ELAVL2: variants seen among roughly 807,000 people sequenced by gnomAD.
ELAVL2 encodes ELAV-like protein 2.
ELAVL2 carries 4 observed loss-of-function variants against 34.6 expected under a neutral mutation model. The ratio of observed to expected loss-of-function variants is 0.12; its 90% CI spans 0.06 to 0.26. The LOEUF (loss-of-function observed/expected upper bound fraction) is 0.26. ELAVL2 is among the 10% of genes least tolerant of loss of function. The probability of loss-of-function intolerance (pLI) is 1.00; values close to 1 mark genes in which losing one functional copy is unlikely to be tolerated. For synonymous variants in ELAVL2, 193 were observed against 154.8 expected, an observed-to-expected ratio of 1.25 and a Z score of -1.83; for missense variants, 432 against 442.8, an observed-to-expected ratio of 0.98 and a Z score of 0.22.
intron 1 of ELAVL2, among the ~76,000 whole-genome samples, chr9:23,770,480 A>G (rs1196215060): frequency 6.6e-6 from 1 of 152,218 alleles, no homozygotes; most frequent in Admixed American, 6.5e-5. Context: ...TCACCTTGAG[A>G]AAGGGAGATT....
intron 3 of ELAVL2, among the ~76,000 whole-genome samples, chr9:23,724,761 T>A (rs1029977807): frequency 6.6e-6 from 1 of 152,166 alleles, no homozygotes; most frequent in Non-Finnish European, 1.5e-5. Flanking sequence ...GAATACAAGT[T>A]AACAATGAAG....
chr9:23,782,485 T>C (rs1348916858), intron 1 of ELAVL2, among the ~76,000 whole-genome samples: 1 of 151,756 alleles, frequency 6.6e-6, no homozygotes, highest in East Asian at 1.9e-4. Flanking sequence ...GGCAGGAGAA[T>C]CACTTGAATC....
At chr9:23,789,019 A>G (rs553440734) in intron 1 of ELAVL2, among the ~76,000 whole-genome samples, 21 of 152,352 alleles carry the variant, frequency 1.4e-4, no homozygotes, top group Admixed American at 2.6e-4. Flanking sequence ...CCATCCAAGC[A>G]AAAGAAAAGA....
At chr9:23,728,768 TAGAA>T (rs143848245) in intron 3 of ELAVL2, among the ~76,000 whole-genome samples, 14 of 152,036 alleles carry the variant, frequency 9.2e-5, no homozygotes, top group Non-Finnish European at 1.3e-4. Context: ...TAAATAAACA[TAGAA>T]AGAACAAACA....
intron 1 of ELAVL2, among the ~76,000 whole-genome samples, chr9:23,788,553 T>A (rs562159427): frequency 6.6e-6 from 1 of 152,330 alleles, no homozygotes; most frequent in South Asian, 2.1e-4. Flanking sequence ...GCTGTAACAG[T>A]ACACTGTAAT....
chr9:23,711,754 T>C (rs1454445006), intron 3 of ELAVL2, among the ~76,000 whole-genome samples: 1 of 152,206 alleles, frequency 6.6e-6, no homozygotes, highest in Non-Finnish European at 1.5e-5. Context: ...AACCCTTTCT[T>C]GTGACTGACT....
chr9:23,725,636 C>G (rs996585688), intron 3 of ELAVL2, among the ~76,000 whole-genome samples: 1 of 152,090 alleles, frequency 6.6e-6, no homozygotes, highest in Non-Finnish European at 1.5e-5. Context: ...GAAAAACCAA[C>G]CCAATCCCAA....
intron 2 of ELAVL2, among the ~76,000 whole-genome samples, chr9:23,753,317 C>G (rs776722042): frequency 1.3e-5 from 2 of 151,988 alleles, no homozygotes; most frequent in Non-Finnish European, 2.9e-5. Context: ...TTTTGAAGCA[C>G]AGTTTTAGCT....
At chr9:23,750,335 AAC>A (rs765153811) in intron 2 of ELAVL2, among the ~76,000 whole-genome samples, 30 of 151,304 alleles carry the variant, frequency 2.0e-4, no homozygotes, top group Non-Finnish European at 4.1e-4. Flanking sequence ...ATTGATATAA[AAC>A]ACAGTAACAA....
rs1587098663 is a variant in ELAVL2, at chr9:23,690,727, G to A, written c.*1830C>T. 6.6e-6 allele frequency: 1 copy of A among 152,602 alleles called. No homozygotes were observed. Among genetic ancestry groups the A allele is most frequent in the African/African-American group, 2.4e-5 (1 of 41,450 alleles). The allele number at this position is 152,602 out of a possible 1,614,324, so 9.5% of individuals were successfully genotyped here. On this transcript the variant is annotated 3_prime_UTR_variant, in exon 7 of 7. Transcript: ENST00000397312. ...CATTGCCTGTTCTAAGGGGAAGCAT[G>A]TGAGCATCTCAGTTTATACAAAAAG...
rs545564328 is a variant in ELAVL2 at position 23,752,800 on chromosome 9, T to A, written c.229+9206A>T. 3.9e-5 allele frequency among the ~76,000 whole-genome samples: 6 copies of A among 152,266 alleles called. No homozygotes were observed. The East Asian group carries it at 1.2e-3, about 30-fold the overall frequency. On this transcript the variant is annotated intron_variant, in intron 2 of 6. Transcript: ENST00000397312. ...GCTTAAATACTTCTGTCTTGCTTTT[T>A]TCCCCCTTAAAGGAGGCATAAGGTA...
chr9:23,797,374 G>A (rs1477811797), intron 1 of ELAVL2, among the ~76,000 whole-genome samples: 1 of 152,198 alleles, frequency 6.6e-6, no homozygotes, highest in Non-Finnish European at 1.5e-5. Flanking sequence ...CACAGGAACA[G>A]TGTAAATATA....
chr9:23,777,095 T>C (rs182267336), intron 1 of ELAVL2, among the ~76,000 whole-genome samples: 25 of 152,286 alleles, frequency 1.6e-4, no homozygotes, highest in African/African-American at 5.3e-4. Context: ...AACATGTAAA[T>C]TGCTTAGCAG....
chr9:23,771,605 A>G (rs962308615), intron 1 of ELAVL2, among the ~76,000 whole-genome samples: 2 of 152,184 alleles, frequency 1.3e-5, no homozygotes, highest in Admixed American at 6.5e-5. Flanking sequence ...GAGCAAATAT[A>G]AAATCACAAA....
chr9:23,789,665 C>T (rs1489700414), intron 1 of ELAVL2, among the ~76,000 whole-genome samples: 2 of 151,972 alleles, frequency 1.3e-5, no homozygotes, highest in Non-Finnish European at 2.9e-5. Flanking sequence ...CTAAATGATC[C>T]GAAACCCACA....
At chr9:23,755,932 A>G (rs1167180546) in intron 2 of ELAVL2, among the ~76,000 whole-genome samples, 2 of 152,138 alleles carry the variant, frequency 1.3e-5, no homozygotes, top group Non-Finnish European at 2.9e-5. Context: ...GACATACAAA[A>G]TCACATTTTC....
intron 2 of ELAVL2, among the ~76,000 whole-genome samples, chr9:23,748,996 T>C (rs182242671): frequency 7.9e-5 from 12 of 151,608 alleles, no homozygotes; most frequent in African/African-American, 2.9e-4. Context: ...GGGTGAGGAG[T>C]TACTGTTTGA....
chr9:23,769,499 A>G (rs1299741608), intron 1 of ELAVL2, among the ~76,000 whole-genome samples: 1 of 152,204 alleles, frequency 6.6e-6, no homozygotes, highest in Non-Finnish European at 1.5e-5. Context: ...AAGGCTAACA[A>G]TGTCAGTTAC....
intron 1 of ELAVL2, among the ~76,000 whole-genome samples, chr9:23,771,284 C>G (rs914992947): frequency 2.0e-5 from 3 of 152,108 alleles, no homozygotes; most frequent in Non-Finnish European, 4.4e-5. Flanking sequence ...TGTCAAAAAA[C>G]TGGTTTAGAT....
Sources: allele counts gnomAD v4.1 joint callset (sites outside exome capture counted in the v4.1 genomes callset), GRCh38; gene constraint gnomAD v4.1.1; transcripts MANE v1.5; gene names NCBI Gene and HGNC (gene_info 2026-07-23, HGNC 2026-07-21).